The following ERC2 variants were observed in gnomAD, a reference collection of about 807,000 sequenced individuals.
ERC2 encodes the protein ELKS/RAB6-interacting/CAST family member 2.
In ERC2, 42 loss-of-function variants were observed where a neutral mutation model predicts 114.8. The observed-to-expected ratio is 0.37, with a 90% CI of 0.29 to 0.47. The LOEUF (loss-of-function observed/expected upper bound fraction) is 0.47, where lower values mean the gene tolerates loss of function less well. Among genes scored for constraint, ERC2 ranks in the 20% least tolerant of loss-of-function variants. ERC2 has a pLI of 0.99. For missense variants in ERC2, 939 were observed against 1,150.7 expected (o/e 0.82, Z 2.66); for synonymous variants, 454 against 425.5 (o/e 1.07, Z -0.82).
chr3:56,354,213 T>C (rs2058659486), intron 2 of ERC2, among the ~76,000 whole-genome samples: 1 of 152,258 alleles, frequency 6.6e-6, no homozygotes, highest in Non-Finnish European at 1.5e-5. Flanking sequence ...CAAAAAGCTG[T>C]ATGTACATGT....
chr3:56,437,732 AAG>A (rs776663283), intron 1 of ERC2, among the ~76,000 whole-genome samples: 10 of 152,364 alleles, frequency 6.6e-5, no homozygotes, highest in Non-Finnish European at 1.5e-4. Flanking sequence ...TAGTGTAAAA[AAG>A]AGGGGATCAA....
At chr3:55,635,104 C>T (rs902740426) in intron 17 of ERC2, among the ~76,000 whole-genome samples, 1 of 152,098 alleles carries the variant, frequency 6.6e-6, no homozygotes, top group East Asian at 1.9e-4. Flanking sequence ...TGGTCTTGAT[C>T]TCGTGACCTC....
chr3:55,552,883 C>T (rs1413715832), intron 17 of ERC2, among the ~76,000 whole-genome samples: 1 of 151,740 alleles, frequency 6.6e-6, no homozygotes, highest in Non-Finnish European at 1.5e-5. Context: ...GGTTAAAAAC[C>T]AACCGACTGA....
At chr3:55,663,187 C>T (rs534993753) in intron 17 of ERC2, among the ~76,000 whole-genome samples, 2 of 152,182 alleles carry the variant, frequency 1.3e-5, no homozygotes, top group African/African-American at 4.8e-5. Flanking sequence ...ATTAGACAAT[C>T]GTTCTTTACT....
At chr3:56,388,483 A>AACAATG (rs2106809836) in intron 2 of ERC2, among the ~76,000 whole-genome samples, 1 of 152,288 alleles carries the variant, frequency 6.6e-6, no homozygotes, top group Non-Finnish European at 1.5e-5. Context: ...CAACCCGTGG[A>AACAATG]ACAATGAGCC....
At chr3:56,326,965 T>C (rs187554849) in intron 2 of ERC2, among the ~76,000 whole-genome samples, 65 of 152,332 alleles carry the variant, frequency 4.3e-4, no homozygotes, top group African/African-American at 1.5e-3. Context: ...ATTCCACTTA[T>C]ATTAAGAGCT....
chr3:55,854,545 C>A (rs2061709335), intron 14 of ERC2, among the ~76,000 whole-genome samples: 2 of 152,142 alleles, frequency 1.3e-5, no homozygotes, highest in African/African-American at 4.8e-5. Flanking sequence ...AGGCACACAC[C>A]AGGACATGGG....
chr3:56,424,030 A>T (rs536000603), intron 2 of ERC2, among the ~76,000 whole-genome samples: 2 of 152,222 alleles, frequency 1.3e-5, no homozygotes, highest in African/African-American at 4.8e-5. Context: ...AGAATAGGCC[A>T]CATTCAGAAC....
At chr3:56,230,297 T>G (rs577254545) in intron 3 of ERC2, among the ~76,000 whole-genome samples, 1 of 152,352 alleles carries the variant, frequency 6.6e-6, no homozygotes, top group East Asian at 1.9e-4. Context: ...ATCACACTAT[T>G]GAGCCTTAAA....
At chr3:56,032,979 G>C (rs13085460) in intron 7 of ERC2, among the ~76,000 whole-genome samples, 9 of 52,062 alleles carry the variant, frequency 1.7e-4, no homozygotes, top group African/African-American at 6.8e-4. Flanking sequence ...GAAAGAAAGA[G>C]AAAGAAAGAA....
At chr3:55,955,181 A>G (rs1325550974) in intron 12 of ERC2, 3 of 515,466 alleles carry the variant, frequency 5.8e-6, no homozygotes, top group Non-Finnish European at 1.2e-5. Flanking sequence ...AACAGTGGTC[A>G]TGACTGAAGA....
At chr3:55,878,079 T>C (rs183573286) in intron 14 of ERC2, among the ~76,000 whole-genome samples, 1 of 152,206 alleles carries the variant, frequency 6.6e-6, no homozygotes, top group Non-Finnish European at 1.5e-5. Flanking sequence ...CTAGCCCCCA[T>C]GCGGCTGCTG....
At chr3:56,233,147 C>T (rs2050735846) in intron 3 of ERC2, among the ~76,000 whole-genome samples, 1 of 152,202 alleles carries the variant, frequency 6.6e-6, no homozygotes, top group Admixed American at 6.5e-5. Context: ...CCTGTAGATG[C>T]TCAATCAATA....
chr3:55,976,257 T>G (rs1434174158), intron 12 of ERC2, among the ~76,000 whole-genome samples: 1 of 152,144 alleles, frequency 6.6e-6, no homozygotes, highest in East Asian at 1.9e-4. Flanking sequence ...TTATATTCCT[T>G]CTGGGTCTCA....
chr3:56,258,572 T>C (rs978395494), intron 3 of ERC2, among the ~76,000 whole-genome samples: 2 of 152,188 alleles, frequency 1.3e-5, no homozygotes, highest in Non-Finnish European at 2.9e-5. Flanking sequence ...GAGAATGGCG[T>C]GAACCCGGGA....
At chr3:55,732,193 G>C (rs1356873800) in intron 15 of ERC2, among the ~76,000 whole-genome samples, 1 of 152,164 alleles carries the variant, frequency 6.6e-6, no homozygotes, top group African/African-American at 2.4e-5. Flanking sequence ...ATCTCTGAGG[G>C]ACACTGGATA....
At chr3:55,641,971 C>T (rs1031249849) in intron 17 of ERC2, among the ~76,000 whole-genome samples, 1 of 152,210 alleles carries the variant, frequency 6.6e-6, no homozygotes, top group Non-Finnish European at 1.5e-5. Flanking sequence ...CACTCAAATT[C>T]TATTGGCCAG....
intron 6 of ERC2, among the ~76,000 whole-genome samples, chr3:56,126,862 C>A (rs201817893): frequency 0.05 from 2,710 of 54,616 alleles, 35 homozygotes; most frequent in African/African-American, 0.16. Flanking sequence ...AAAAGAAAGG[C>A]AAGGCAAGGC....
At chr3:56,144,068 G>C (rs138766326) in intron 5 of ERC2, among the ~76,000 whole-genome samples, 2 of 152,304 alleles carry the variant, frequency 1.3e-5, no homozygotes, top group East Asian at 3.9e-4. Flanking sequence ...AACAAAAAAC[G>C]GTCTTGAGAA....
Sources: allele counts gnomAD v4.1 joint callset (sites outside exome capture counted in the v4.1 genomes callset), GRCh38; gene constraint gnomAD v4.1.1; transcripts MANE v1.5; gene names NCBI Gene and HGNC (gene_info 2026-07-23, HGNC 2026-07-21).